SLC25A31: variants seen among roughly 807,000 people sequenced by gnomAD.
The protein encoded by SLC25A31 is solute carrier family 25 member 31.
A neutral mutation model predicts 36.2 loss-of-function variants in SLC25A31; 40 were observed. That is an observed-to-expected ratio of 1.10 (90% confidence interval 0.86 to 1.44). The LOEUF (loss-of-function observed/expected upper bound fraction) is 1.44. Among genes scored for constraint, SLC25A31 ranks in the 40% most tolerant of loss-of-function variants. SLC25A31 has a pLI of 0.00. For synonymous variants in SLC25A31, 143 were observed against 149.7 expected (o/e 0.96, Z 0.32); for missense variants, 350 against 397.1 (o/e 0.88, Z 1.01).
chr4:127,744,331 T>C (rs1032968566), intron 1 of SLC25A31, among the ~76,000 whole-genome samples: 3 of 152,246 alleles, frequency 2.0e-5, no homozygotes, highest in Admixed American at 6.5e-5. Context: ...ATAGGTGTTA[T>C]ACATCAGGAT....
chr4:127,732,938 A>T (rs1195759353), intron 1 of SLC25A31, among the ~76,000 whole-genome samples: 2 of 152,234 alleles, frequency 1.3e-5, no homozygotes, highest in Non-Finnish European at 2.9e-5. Context: ...GGAATGTTAA[A>T]CGTCCTGCTG....
Position 127,764,345 on chromosome 4 carries a change from G to A in SLC25A31, c.463G>A (p.Val155Ile). 6.2e-7 allele frequency: 1 copy of A among 1,612,464 alleles called. No homozygotes were observed. Among genetic ancestry groups the A allele is most frequent in the Non-Finnish European group, 8.5e-7 (1 of 1,178,884 alleles). The change falls in exon 3 of 6, where the codon GTC becomes ATC. Residue 155 changes from valine to isoleucine, a missense_variant. Transcript: ENST00000281154. Reference sequence around the variant, plus strand: ...AGATTTTGCCCGAACCCGATTAGGTGTCGATATTGGAAAAGGTATGAGATT... The same window carrying A: ...AGATTTTGCCCGAACCCGATTAGGTATCGATATTGGAAAAGGTATGAGATT... ...PLDFARTRLG[V>I]DIGKGPEERQ...
At chr4:127,736,236 A>G (rs1731631214) in intron 1 of SLC25A31, among the ~76,000 whole-genome samples, 1 of 152,006 alleles carries the variant, frequency 6.6e-6, no homozygotes, top group African/African-American at 2.4e-5. Flanking sequence ...TTTTCCTGTC[A>G]CTTTTATTTC....
intron 1 of SLC25A31, among the ~76,000 whole-genome samples, chr4:127,738,606 A>G (rs2148753873): frequency 6.6e-6 from 1 of 152,282 alleles, no homozygotes; most frequent in Middle Eastern, 3.4e-3. Flanking sequence ...GGAGTATTCT[A>G]TAGATGTCTA....
At chr4:127,762,545 C>T (rs758069894) in intron 2 of SLC25A31, among the ~76,000 whole-genome samples, 6 of 152,076 alleles carry the variant, frequency 3.9e-5, no homozygotes, top group South Asian at 2.1e-4. Context: ...TTGAATTGTA[C>T]GCTTTACATA....
Position 127,730,735 on chromosome 4 carries a change from A to G in SLC25A31, c.190A>G (p.Lys64Glu), listed in dbSNP as rs1181460805. ...SKQISPEARY[K>E]GMVDCLVRIP... ...GCAGATCAGCCCCGAGGCGCGGTAC[A>G]AAGGCATGGTGGACTGCCTGGTGCG... The change falls in exon 1 of 6, where the codon AAA becomes GAA. Residue 64 changes from lysine (K) to glutamate (E), a missense_variant. Transcript: ENST00000281154. 1 of 1,613,682 alleles carries G rather than the reference A, an allele frequency of 6.2e-7. No individual in the cohort carries two copies. The highest frequency in any genetic ancestry group is 8.5e-7 in the Non-Finnish European group (1 of 1,179,884).
intron 2 of SLC25A31, among the ~76,000 whole-genome samples, chr4:127,748,221 C>G (rs1039901082): frequency 1.3e-5 from 2 of 152,194 alleles, no homozygotes; most frequent in African/African-American, 2.4e-5. Flanking sequence ...ACTCTCCCAG[C>G]TGAGTCACTC....
intron 2 of SLC25A31, among the ~76,000 whole-genome samples, chr4:127,755,578 C>A (rs183062467): frequency 1.3e-3 from 197 of 152,222 alleles, no homozygotes; most frequent in African/African-American, 4.6e-3. Flanking sequence ...CAAATTAAAA[C>A]CGCTTTGAAA....
intron 1 of SLC25A31, among the ~76,000 whole-genome samples, chr4:127,735,401 G>A (rs1194361251): frequency 6.6e-6 from 1 of 152,084 alleles, no homozygotes; most frequent in Non-Finnish European, 1.5e-5. Flanking sequence ...TAACATTCAA[G>A]TTTCCCTAAC....
Position 127,760,732 on chromosome 4 carries a change from G to A in SLC25A31, c.361-3511G>A, listed in dbSNP as rs1182785069. On this transcript the variant is annotated intron_variant, in intron 2 of 5. Transcript: ENST00000281154. ...TCTTCTCCCTTCCTGATTCTTCTCC[G>A]TGCCTCTTCTTTTAACAATATAGTA... Among the ~76,000 whole-genome samples the A allele has an allele frequency of 4.6e-5, 7 of 151,864 alleles. No homozygotes were observed. In the South Asian group the frequency reaches 1.2e-3, roughly 27 times the overall value.
intron 2 of SLC25A31, among the ~76,000 whole-genome samples, chr4:127,746,090 G>C (rs1731821279): frequency 6.6e-6 from 1 of 152,144 alleles, no homozygotes. Flanking sequence ...AGTTTGCTAA[G>C]GATAATAGCC....
rs1184569245 is a variant in SLC25A31, at chr4:127,735,872, A to T, written c.232+5095A>T. Reference sequence around the variant, plus strand: ...AACATGCCTAACATTCTTTTATTTTATTTATTTATTTATTTATTTATTTAT... The same window carrying T: ...AACATGCCTAACATTCTTTTATTTTTTTTATTTATTTATTTATTTATTTAT... On this transcript the variant is annotated intron_variant, in intron 1 of 5. Coordinates refer to ENST00000281154, the MANE Select transcript of SLC25A31 (RefSeq NM_031291.4). Among the ~76,000 whole-genome samples the T allele has an allele frequency of 7.1e-3, 599 of 84,460 alleles. 13 individuals carry two copies. Among genetic ancestry groups the T allele is most frequent in the African/African-American group, 0.021 (564 of 27,072 alleles). The allele number at this position is 84,460 out of a possible 152,430, so 55.4% of individuals were successfully genotyped here. A position where few individuals can be genotyped will look rare whatever the true frequency, so the allele number is the denominator to read the frequency against.
intron 2 of SLC25A31, among the ~76,000 whole-genome samples, chr4:127,758,234 A>AGTGATGG (rs1447590236): frequency 6.6e-6 from 1 of 152,202 alleles, no homozygotes; most frequent in East Asian, 1.9e-4. Flanking sequence ...AAACCATATC[A>AGTGATGG]GTGATGTTGA....
intron 1 of SLC25A31, among the ~76,000 whole-genome samples, chr4:127,732,724 A>C (rs1397805162): frequency 6.6e-6 from 1 of 152,232 alleles, no homozygotes. Flanking sequence ...GAGGATCATA[A>C]GTAGAACTTG....
At chr4:127,738,524 C>T (rs776399427) in intron 1 of SLC25A31, among the ~76,000 whole-genome samples, 4 of 152,106 alleles carry the variant, frequency 2.6e-5, no homozygotes, top group Admixed American at 6.6e-5. Context: ...TGCTTTATGG[C>T]TTAGCATGTG....
intron 3 of SLC25A31, among the ~76,000 whole-genome samples, chr4:127,766,813 TA>T (rs1299330330): frequency 6.6e-6 from 1 of 152,254 alleles, no homozygotes; most frequent in Non-Finnish European, 1.5e-5. Context: ...GTAACTTTAA[TA>T]AAATACTTTA....
At chr4:127,762,189 C>T (rs1732153820) in intron 2 of SLC25A31, among the ~76,000 whole-genome samples, 1 of 152,008 alleles carries the variant, frequency 6.6e-6, no homozygotes, top group Admixed American at 6.6e-5. Context: ...GGAAACAACC[C>T]AAATGTTCAT....
intron 2 of SLC25A31, among the ~76,000 whole-genome samples, chr4:127,764,029 A>T (rs1732191537): frequency 6.6e-6 from 1 of 152,236 alleles, no homozygotes; most frequent in Non-Finnish European, 1.5e-5. Flanking sequence ...GTCAGCATCT[A>T]AACTGTGTCT....
intron 2 of SLC25A31, among the ~76,000 whole-genome samples, chr4:127,749,660 G>T (rs1731891221): frequency 6.8e-6 from 1 of 147,102 alleles, no homozygotes; most frequent in South Asian, 2.2e-4. Context: ...AGTGAGCTGA[G>T]ATTGCACCAC....
Sources: gnomAD v4.1 joint callset for allele counts (sites outside exome capture counted in the v4.1 genomes callset) on GRCh38, gnomAD v4.1.1 for gene constraint, MANE v1.5 for transcripts, NCBI Gene and HGNC (gene_info 2026-07-23, HGNC 2026-07-21) for gene names.